NUP205: variants seen among roughly 807,000 people sequenced by gnomAD.
NUP205 encodes nuclear pore complex protein Nup205.
A neutral mutation model predicts 253.8 loss-of-function variants in NUP205; 76 were observed. That is an observed-to-expected ratio of 0.30 (90% CI 0.25 to 0.36). The LOEUF (loss-of-function observed/expected upper bound fraction) is 0.36, where lower values mean the gene tolerates loss of function less well. Ranked by LOEUF, NUP205 falls within the 10% of genes least tolerant of loss-of-function variation. NUP205 has a pLI of 1.00. For synonymous variants in NUP205, 832 were observed against 850.1 expected (o/e 0.98, Z 0.37); for missense variants, 2,162 against 2,425.5 (o/e 0.89, Z 2.28).
chr7:135,583,642 C>T (rs917168279), intron 7 of NUP205, among the ~76,000 whole-genome samples: 2 of 151,978 alleles, frequency 1.3e-5, no homozygotes, highest in South Asian at 4.1e-4. Flanking sequence ...CACCTATAAT[C>T]CCAGCTACTT....
At position 135,617,639 on chromosome 7, in the gene NUP205, T is replaced by C; in HGVS notation, c.3728T>C (p.Leu1243Pro). ...HRVLVAEVNA[L>P]QGMAAIGQRP... ...GTTCTTGTAGCTGAAGTAAATGCCCTTCAGGGTATGGCAGCCATAGGACAG... is the reference window on the plus strand; with the variant it reads ...GTTCTTGTAGCTGAAGTAAATGCCCCTCAGGGTATGGCAGCCATAGGACAG... Residue 1243 changes from leucine to proline, a missense_variant, in exon 27 of 43, where the codon CTT (leucine) becomes CCT (proline). This residue lies in a region of NUP205 where 1,144 missense variants were observed against 1,280.9 expected (regional missense o/e 0.89). Coordinates refer to ENST00000285968, the MANE Select transcript of NUP205 (RefSeq NM_015135.3). The C allele has an allele frequency of 6.2e-7, 1 of 1,613,082 alleles. No homozygotes were observed. Among genetic ancestry groups the C allele is most frequent in the Non-Finnish European group, 8.5e-7 (1 of 1,179,184 alleles).
At chr7:135,589,562 G>A (rs1300986253) in intron 10 of NUP205, among the ~76,000 whole-genome samples, 2 of 151,252 alleles carry the variant, frequency 1.3e-5, no homozygotes, top group African/African-American at 4.9e-5. Context: ...TGCTGGGATT[G>A]TAGGCATGAG....
At chr7:135,580,611 C>T (rs1054433182) in intron 7 of NUP205, among the ~76,000 whole-genome samples, 7 of 151,960 alleles carry the variant, frequency 4.6e-5, no homozygotes, top group South Asian at 2.1e-4. Flanking sequence ...TATAGTCGCA[C>T]GCCGCCACAC....
intron 1 of NUP205, among the ~76,000 whole-genome samples, chr7:135,570,714 A>ATTATATTAATATAT (rs1248382595): frequency 7.0e-5 from 3 of 42,578 alleles, no homozygotes; most frequent in African/African-American, 2.8e-4. Flanking sequence ...ATATTAATAT[A>ATTATATTAATATAT]ATTAATTATA....
intron 22 of NUP205, among the ~76,000 whole-genome samples, chr7:135,613,264 A>G (rs1379328416): frequency 2.6e-5 from 4 of 151,710 alleles, no homozygotes; most frequent in Non-Finnish European, 4.4e-5. Context: ...TTAGATCTTT[A>G]TGTTATTCAT....
rs750518388 is a variant in NUP205, at chr7:135,594,723, C to T, written c.2007C>T (p.Tyr669=). ...CTTCCCTCTGGCAGTCATTGGAATA[C>T]ACTCAGGTAGGGCTCTGAAGTCCCT... ...IAASLWQSLE[Y]TQILQTVRIP... The change falls in exon 13 of 43, where the codon TAC becomes TAT. Residue 669 remains tyrosine, a synonymous_variant. Coordinates refer to ENST00000285968, the MANE Select transcript of NUP205 (RefSeq NM_015135.3). The T allele has an allele frequency of 3.4e-5, 55 of 1,611,610 alleles. No homozygotes were observed. Among genetic ancestry groups the T allele is most frequent in the Non-Finnish European group, 4.4e-5 (52 of 1,178,726 alleles).
At chr7:135,595,852 T>C (rs1251312885) in intron 13 of NUP205, among the ~76,000 whole-genome samples, 1 of 152,130 alleles carries the variant, frequency 6.6e-6, no homozygotes, top group Non-Finnish European at 1.5e-5. Context: ...GGAAAATGGT[T>C]AGGTGGGATA....
chr7:135,593,901 A>T (rs145222994), intron 12 of NUP205, among the ~76,000 whole-genome samples: 38 of 152,320 alleles, frequency 2.5e-4, no homozygotes, highest in African/African-American at 8.7e-4. Context: ...CTAGTGTTCT[A>T]TAGCACTACA....
rs367855265 is a variant in NUP205, at chr7:135,597,436, G to T, written c.2064+18G>T. 652 of 1,539,162 alleles carry T rather than the reference G, an allele frequency of 4.2e-4. No individual in the cohort carries two copies. Among genetic ancestry groups the T allele is most frequent in the Non-Finnish European group, 5.7e-4 (629 of 1,112,064 alleles). On this transcript the variant is annotated intron_variant, in intron 14 of 42. Transcript: ENST00000285968. ...GTATTGAGGTAAAGTTTTCCTTTTA[G>T]TTTAAATGTTAATTCATTCATGCAT...
In NUP205 at chr7:135,616,698, G is replaced by C. The variant is rs746519574; in HGVS notation, c.3504G>C (p.Gly1168=). 1.3e-6 allele frequency: 2 copies of C among 1,571,102 alleles called. No homozygotes were observed. Among genetic ancestry groups the C allele is most frequent in the African/African-American group, 1.4e-5 (1 of 72,826 alleles). ...GIEDENRSVS[G]FLHFDTATKV... ...AAGATGAAAACAGGTCTGTTTCTGG[G>C]TTCCTTCACTTTGACACTGCTACAA... is the stretch of plus-strand genomic sequence containing the variant. The change falls in exon 25 of 43, where the codon GGG becomes GGC. Residue 1168 remains glycine (G), a synonymous_variant. Coordinates refer to ENST00000285968, the MANE Select transcript of NUP205 (RefSeq NM_015135.3).
intron 23 of NUP205, 83 bp downstream of exon 23, chr7:135,614,356 A>G (rs1341826318): frequency 1.3e-6 from 1 of 771,482 alleles, no homozygotes; most frequent in East Asian, 2.7e-5. Flanking sequence ...ATTTGGGGGA[A>G]TTCTGTTCTC....
intron 39 of NUP205, among the ~76,000 whole-genome samples, chr7:135,644,452 T>C (rs116451030): frequency 0.014 from 2,088 of 152,334 alleles, 47 homozygotes; most frequent in African/African-American, 0.048. Context: ...GTGTGCCACA[T>C]TGAGAAGTGG....
chr7:135,583,495 C>CA (rs1336315714), intron 7 of NUP205, among the ~76,000 whole-genome samples: 2 of 152,156 alleles, frequency 1.3e-5, no homozygotes, highest in Non-Finnish European at 2.9e-5. Context: ...CGCAGTGACT[C>CA]ACGCCTGTAA....
intron 1 of NUP205, among the ~76,000 whole-genome samples, chr7:135,570,770 A>C (rs1805958412): frequency 1.3e-5 from 1 of 78,626 alleles, no homozygotes; most frequent in Admixed American, 1.8e-4. Flanking sequence ...ATATTATATT[A>C]ATATATATTA....
intron 1 of NUP205, among the ~76,000 whole-genome samples, chr7:135,564,223 G>T (rs1805679537): frequency 6.6e-6 from 1 of 151,036 alleles, no homozygotes; most frequent in Non-Finnish European, 1.5e-5. Flanking sequence ...GAGACTATAG[G>T]CACAAGCCAC....
intron 28 of NUP205, 28 bp downstream of exon 28, chr7:135,618,631 C>A (rs374630365): frequency 1.1e-5 from 17 of 1,497,626 alleles, no homozygotes; most frequent in Non-Finnish European, 1.3e-5. Flanking sequence ...ATACTTTATA[C>A]TGCTGAACGA....
intron 1 of NUP205, among the ~76,000 whole-genome samples, chr7:135,560,313 T>C (rs945431955): frequency 2.0e-5 from 3 of 152,172 alleles, no homozygotes; most frequent in Non-Finnish European, 4.4e-5. Flanking sequence ...ATTCCTTTAG[T>C]ACATACTCGC....
In NUP205 at chr7:135,616,647, T is replaced by G; in HGVS notation, c.3461-8T>G. The G allele has an allele frequency of 4.6e-6, 7 of 1,518,106 alleles. No homozygotes were observed. Among genetic ancestry groups the G allele is most frequent in the Non-Finnish European group, 6.2e-6 (7 of 1,128,418 alleles). 94.0% of individuals were successfully genotyped at this position (1,518,106 alleles called of 1,614,324 possible). On this transcript the variant is annotated splice_region_variant and splice_polypyrimidine_tract_variant and intron_variant, in intron 24 of 42. Transcript: ENST00000285968. ...TTTTCTGATTCAATATTATTGATAT[T>G]CCAACAGATGGTGAAGGAGGAATAG...
Position 135,598,097 on chromosome 7 carries a change from A to G in NUP205, c.2164A>G (p.Asn722Asp). 1 of 1,613,916 alleles carries G rather than the reference A, an allele frequency of 6.2e-7. No homozygotes were observed. Among genetic ancestry groups the G allele is most frequent in the Non-Finnish European group, 8.5e-7 (1 of 1,179,960 alleles). Residue 722 changes from asparagine (N) to aspartate (D), a missense_variant, in exon 15 of 43, where the codon AAT becomes GAT. Asn to Asp is a conservative substitution (Grantham distance 23, BLOSUM62 1). Coordinates refer to ENST00000285968, the MANE Select transcript of NUP205 (RefSeq NM_015135.3). The part of the protein sequence containing the change: ...STLVESSFPS[N>D]LGAGLRPPGF... ...TCTGGTGGAGAGCTCATTTCCTTCT[A>G]ATTTGGGTGCTGGACTGCGGCCCCC...
Sources: allele counts gnomAD v4.1 joint callset (sites outside exome capture counted in the v4.1 genomes callset), GRCh38; gene constraint gnomAD v4.1.1; regional missense constraint gnomAD v4.1.1; transcripts MANE v1.5; gene names NCBI Gene and HGNC (gene_info 2026-07-23, HGNC 2026-07-21).